The following CTNNA2 variants were observed in gnomAD, a reference collection of about 807,000 sequenced individuals.
CTNNA2 encodes the protein catenin alpha 2, also known as catenin alpha-2.
Under a neutral mutation model 101.0 loss-of-function variants are expected in CTNNA2, and 42 were observed. The ratio of observed to expected loss-of-function variants is 0.42; its 90% CI spans 0.32 to 0.54. The LOEUF is 0.54. CTNNA2 is among the 20% of genes least tolerant of loss of function. The probability of loss-of-function intolerance (pLI) is 0.14; values close to 1 mark genes in which losing one functional copy is unlikely to be tolerated. For missense variants in CTNNA2, 871 were observed against 1,223.1 expected (o/e 0.71, Z 4.29); for synonymous variants, 450 against 456.4 (o/e 0.99, Z 0.18).
chr2:79,492,858 C>T (rs1558680622), intron 4 of CTNNA2, among the ~76,000 whole-genome samples: 1 of 152,074 alleles, frequency 6.6e-6, no homozygotes, highest in Non-Finnish European at 1.5e-5. Flanking sequence ...AAAGATTATC[C>T]ATCATCAACC....
At chr2:80,239,921 AAAC>A (rs1709757140) in intron 7 of CTNNA2, among the ~76,000 whole-genome samples, 1 of 152,210 alleles carries the variant, frequency 6.6e-6, no homozygotes, top group East Asian at 1.9e-4. Context: ...TCAAAAAAAA[AAAC>A]AAAAAACAAA....
In CTNNA2 at chr2:80,479,001, C is replaced by T. The variant is rs560926715; in HGVS notation, c.1290+59400C>T. Among the ~76,000 whole-genome samples, 61 of 145,260 alleles carry T rather than the reference C, an allele frequency of 4.2e-4. No individual in the cohort carries two copies. The Middle Eastern group carries it at 0.014, about 34-fold the overall frequency. The stretch of plus-strand genomic sequence containing the variant: ...TATAACAGTATTGATTCTTCCAATC[C>T]ATGAGCATGGGTTTTTTTTTTAATT... On this transcript the variant is annotated intron_variant, in intron 9 of 18. Coordinates refer to ENST00000402739, the MANE Select transcript of CTNNA2 (RefSeq NM_001282597.3).
intron 2 of CTNNA2, among the ~76,000 whole-genome samples, chr2:79,289,526 C>T (rs1346043761): frequency 1.3e-5 from 2 of 152,024 alleles, no homozygotes; most frequent in Non-Finnish European, 2.9e-5. Context: ...CTTTGGGAGG[C>T]CGAGGCGGGT....
intron 7 of CTNNA2, among the ~76,000 whole-genome samples, chr2:80,064,745 C>T (rs1422791150): frequency 6.6e-6 from 1 of 152,198 alleles, no homozygotes. Context: ...TGTGCAGGCA[C>T]TTTCCAAGCC....
Position 80,302,974 on chromosome 2 carries a change from C to T in CTNNA2, c.1057-90237C>T. The stretch of plus-strand genomic sequence containing the variant: ...GGTTGGAGTCCAGCTGCAGGGACTG[C>T]AGGTGCGGCACGGTCTCGAACACAT... On this transcript the variant is annotated intron_variant, in intron 7 of 18. Transcript: ENST00000402739. The surrounding 1 kb of genome is among the most constrained non-coding windows in gnomAD (Gnocchi z 6.4). 1 of 1,613,780 alleles carries T rather than the reference C, an allele frequency of 6.2e-7. No individual in the cohort carries two copies. The highest frequency in any genetic ancestry group is 1.1e-5 in the South Asian group (1 of 91,040).
chr2:80,213,053 G>A (rs1413624906), intron 7 of CTNNA2, among the ~76,000 whole-genome samples: 2 of 151,934 alleles, frequency 1.3e-5, no homozygotes, highest in Non-Finnish European at 2.9e-5. Context: ...TGGGATCAGT[G>A]GTGATATCCC....
Position 79,389,776 on chromosome 2 carries a change from G to GT in CTNNA2, c.-135+15769dup, listed in dbSNP as rs1678152050. On this transcript the variant is annotated intron_variant, in intron 4 of 21. Transcript: ENST00000466387. ...ACATTACATCACGGTTCAGCTATGT[G>GT]TTTTTTGTTTTTTTCTGCTTTGAAT... Among the ~76,000 whole-genome samples, 5 of 152,138 alleles carry GT rather than the reference G, an allele frequency of 3.3e-5. No individual in the cohort carries two copies. The South Asian group carries it at 8.3e-4, about 25-fold the overall frequency.
intron 3 of CTNNA2, among the ~76,000 whole-genome samples, chr2:79,757,636 A>G (rs1411799422): frequency 6.6e-6 from 1 of 152,234 alleles, no homozygotes; most frequent in African/African-American, 2.4e-5. Context: ...TAATGCACAT[A>G]TACATTAGGG....
intron 4 of CTNNA2, among the ~76,000 whole-genome samples, chr2:79,428,585 A>T (rs1678617550): frequency 6.6e-6 from 1 of 152,070 alleles, no homozygotes; most frequent in South Asian, 2.1e-4. Context: ...ATATTGAGAC[A>T]GAAACATGTA....
chr2:79,831,099 A>G (rs2105426382), intron 3 of CTNNA2, among the ~76,000 whole-genome samples: 1 of 152,170 alleles, frequency 6.6e-6, no homozygotes, highest in African/African-American at 2.4e-5. Flanking sequence ...TTTGATCAAT[A>G]CAAACTTCGG....
rs540113878 is a variant in CTNNA2 at position 80,303,573 on chromosome 2, C to T, written c.1057-89638C>T. 6.2e-7 allele frequency: 1 copy of T among 1,614,214 alleles called. No homozygotes were observed. The highest frequency in any genetic ancestry group is 1.1e-5 in the South Asian group (1 of 91,084). On this transcript the variant is annotated intron_variant, in intron 7 of 18. Transcript: ENST00000402739. The surrounding 1 kb of genome is among the most constrained non-coding windows in gnomAD (Gnocchi z 7.7). ...AGCTGCATTAACCCCGTGAACTGGC[C>T]GGCGCGCAGCTCCGAGAGGCTGTTG...
At chr2:79,747,639 T>C (rs773548540) in intron 3 of CTNNA2, among the ~76,000 whole-genome samples, 4 of 152,224 alleles carry the variant, frequency 2.6e-5, no homozygotes, top group Non-Finnish European at 5.9e-5. Context: ...TTCATTTTCT[T>C]GAAGCTTACA....
At chr2:80,163,237 T>C (rs1465753825) in intron 7 of CTNNA2, 4 of 816,876 alleles carry the variant, frequency 4.9e-6, no homozygotes, top group Non-Finnish European at 7.9e-6. Context: ...TAGTAGATTA[T>C]ATTGATTGAT....
At chr2:80,526,335 G>A (rs750130729) in intron 9 of CTNNA2, among the ~76,000 whole-genome samples, 19 of 152,180 alleles carry the variant, frequency 1.2e-4, no homozygotes, top group Non-Finnish European at 2.6e-4. Context: ...GAGTAGCTAG[G>A]ATTACAGGCG....
At chr2:79,483,399 A>T (rs4458235) in intron 4 of CTNNA2, among the ~76,000 whole-genome samples, 86,073 of 152,026 alleles carry the variant, frequency 0.57, 25,366 homozygotes, top group Non-Finnish European at 0.66. Flanking sequence ...CATCATTGCC[A>T]GCTCCTCTTC....
At chr2:79,477,722 C>A (rs1383712108) in intron 4 of CTNNA2, among the ~76,000 whole-genome samples, 1 of 152,134 alleles carries the variant, frequency 6.6e-6, no homozygotes, top group Non-Finnish European at 1.5e-5. Flanking sequence ...AACAAAAGCC[C>A]AGGGCTTCTA....
chr2:79,425,242 T>C (rs752952445), intron 4 of CTNNA2, among the ~76,000 whole-genome samples: 4 of 152,124 alleles, frequency 2.6e-5, no homozygotes, highest in South Asian at 4.1e-4. Context: ...CCAAAGGCTA[T>C]TTAACCAGTA....
At chr2:80,209,443 G>C (rs1290616864) in intron 7 of CTNNA2, among the ~76,000 whole-genome samples, 1 of 151,872 alleles carries the variant, frequency 6.6e-6, no homozygotes, top group African/African-American at 2.4e-5. Flanking sequence ...CGCCCGCCTC[G>C]GCCTCCCAAA....
chr2:80,647,013 G>A (rs1674170130), intron 18 of CTNNA2, among the ~76,000 whole-genome samples: 1 of 152,036 alleles, frequency 6.6e-6, no homozygotes, highest in Admixed American at 6.6e-5. Flanking sequence ...TGTATGAGAA[G>A]GTCTCACTGA....
Sources: gnomAD v4.1 joint callset for allele counts (sites outside exome capture counted in the v4.1 genomes callset) on GRCh38, gnomAD v4.1.1 for gene constraint, Gnocchi (gnomAD v3.1) non-coding constraint, MANE v1.5 for transcripts, NCBI Gene and HGNC (gene_info 2026-07-23, HGNC 2026-07-21) for gene names.